ADAMTS17: variants seen among roughly 807,000 people sequenced by gnomAD.
ADAMTS17 encodes the protein A disintegrin and metalloproteinase with thrombospondin motifs 17.
Under a neutral mutation model 141.5 loss-of-function variants are expected in ADAMTS17, and 113 were observed. The observed-to-expected ratio is 0.80, with a 90% CI of 0.69 to 0.93. ADAMTS17 has a LOEUF of 0.93. ADAMTS17 is among the 40% of genes least tolerant of loss of function. ADAMTS17 has a pLI of 0.00. For synonymous variants in ADAMTS17, 768 were observed against 630.6 expected (o/e 1.22, Z -3.27); for missense variants, 1,659 against 1,517.9 (o/e 1.09, Z -1.54).
At chr15:100,230,866 C>T (rs961192133) in intron 7 of ADAMTS17, among the ~76,000 whole-genome samples, 1 of 152,106 alleles carries the variant, frequency 6.6e-6, no homozygotes, top group Non-Finnish European at 1.5e-5. Flanking sequence ...TTGGGACTGC[C>T]TGGGGACCCA....
intron 3 of ADAMTS17, among the ~76,000 whole-genome samples, chr15:100,298,452 G>A (rs2044903863): frequency 6.6e-6 from 1 of 152,094 alleles, no homozygotes; most frequent in Admixed American, 6.5e-5. Flanking sequence ...TCTCCCAGAG[G>A]GAGGGAGAAA....
At chr15:100,308,441 G>A (rs888050454) in intron 3 of ADAMTS17, among the ~76,000 whole-genome samples, 2 of 152,174 alleles carry the variant, frequency 1.3e-5, no homozygotes, top group African/African-American at 4.8e-5. Flanking sequence ...CAGGCTTCCT[G>A]AGCAAAGTGC....
chr15:100,064,687 G>A (rs2141677087), intron 15 of ADAMTS17, among the ~76,000 whole-genome samples: 1 of 152,266 alleles, frequency 6.6e-6, no homozygotes, highest in Middle Eastern at 3.4e-3. Context: ...AAGCAGAGTA[G>A]GGGGCCAGGA....
At chr15:100,100,603 G>T (rs1201126809) in intron 14 of ADAMTS17, among the ~76,000 whole-genome samples, 2 of 146,642 alleles carry the variant, frequency 1.4e-5, no homozygotes, top group Non-Finnish European at 3.0e-5. Context: ...GATGTACCCA[G>T]TTAGTTGGTG....
intron 7 of ADAMTS17, among the ~76,000 whole-genome samples, chr15:100,206,626 TG>T (rs1361618932): frequency 6.6e-6 from 1 of 152,162 alleles, no homozygotes; most frequent in Non-Finnish European, 1.5e-5. Context: ...TGGGGAAAGC[TG>T]GGGTTTTAGG....
At chr15:100,298,630 G>C (rs777641730) in intron 3 of ADAMTS17, among the ~76,000 whole-genome samples, 1 of 152,132 alleles carries the variant, frequency 6.6e-6, no homozygotes, top group Admixed American at 6.5e-5. Flanking sequence ...CATATACATT[G>C]CATTAGGGAA....
chr15:100,181,780 G>C (rs1309549660), intron 8 of ADAMTS17, among the ~76,000 whole-genome samples: 4 of 152,232 alleles, frequency 2.6e-5, no homozygotes, highest in Non-Finnish European at 5.9e-5. Flanking sequence ...ATAGCCTGGG[G>C]TTGGGAGAGG....
intron 3 of ADAMTS17, among the ~76,000 whole-genome samples, chr15:100,296,603 GTA>G (rs1173871620): frequency 3.4e-4 from 52 of 151,454 alleles, no homozygotes; most frequent in African/African-American, 1.2e-3. Context: ...GTGTGTGTGT[GTA>G]TGTGTGTGTG....
At chr15:100,279,141 G>A (rs12899959) in intron 4 of ADAMTS17, among the ~76,000 whole-genome samples, 22,195 of 152,078 alleles carry the variant, frequency 0.15, 1,729 homozygotes, top group East Asian at 0.31. Flanking sequence ...CTAAAACACC[G>A]GAGGTCCCAG....
At position 100,017,043 on chromosome 15, in the gene ADAMTS17, G is replaced by T. The variant is rs2061304711; in HGVS notation, c.2592-19454C>A. ...CTCTCCTTGGGCTGGTCTTGCTGTGGCTGCTATGGGGGATGGGGTTGAGGT... is the reference window on the plus strand; with the variant it reads ...CTCTCCTTGGGCTGGTCTTGCTGTGTCTGCTATGGGGGATGGGGTTGAGGT... On this transcript the variant is annotated intron_variant, in intron 18 of 21. Coordinates refer to ENST00000268070, the MANE Select transcript of ADAMTS17 (RefSeq NM_139057.4). Among the ~76,000 whole-genome samples, 4 of 152,150 alleles carry T rather than the reference G, an allele frequency of 2.6e-5. No homozygotes were observed. The South Asian group carries it at 6.2e-4, about 24-fold the overall frequency.
At chr15:100,115,425 C>A (rs118155455) in intron 13 of ADAMTS17, among the ~76,000 whole-genome samples, 1 of 152,218 alleles carries the variant, frequency 6.6e-6, no homozygotes, top group Non-Finnish European at 1.5e-5. Flanking sequence ...CTACATTACA[C>A]GGTCCCCAAA....
At chr15:100,096,497 A>G (rs781372743) in intron 14 of ADAMTS17, 21 bp from the exon 15 acceptor site, 186 of 1,613,914 alleles carry the variant, frequency 1.2e-4, no homozygotes, top group Non-Finnish European at 1.5e-4. Flanking sequence ...AGAGGGCCTC[A>G]TTATTCTGTG....
chr15:100,237,359 C>G (rs11247171), intron 7 of ADAMTS17, among the ~76,000 whole-genome samples: 58,420 of 152,024 alleles, frequency 0.38, 11,566 homozygotes, highest in African/African-American at 0.48. Context: ...CTGCCTTTAC[C>G]TACATTAGGA....
intron 18 of ADAMTS17, among the ~76,000 whole-genome samples, chr15:100,017,822 CAG>C (rs1040900865): frequency 3.3e-5 from 5 of 152,312 alleles, no homozygotes; most frequent in African/African-American, 1.2e-4. Context: ...CATCATCACA[CAG>C]ACTTCCTATT....
In ADAMTS17 at chr15:100,262,582, C is replaced by G. The variant is rs144802034; in HGVS notation, c.790-147G>C. 2.2e-3 allele frequency: 1,339 copies of G among 597,814 alleles called. 10 individuals carry two copies. The highest frequency in any genetic ancestry group is 2.5e-3 in the Non-Finnish European group (882 of 351,712). The allele number at this position is 597,814 out of a possible 1,614,324, so 37.0% of individuals were successfully genotyped here. On this transcript the variant is annotated intron_variant, in intron 4 of 21. Transcript: ENST00000268070. ...AAAGCGTAGACTTTAGTTTATAACACTGTATCAGTATTGGTGCATTAATTA... is the reference window on the plus strand; with the variant it reads ...AAAGCGTAGACTTTAGTTTATAACAGTGTATCAGTATTGGTGCATTAATTA...
intron 18 of ADAMTS17, among the ~76,000 whole-genome samples, chr15:100,020,799 G>C (rs916841407): frequency 6.6e-6 from 1 of 152,202 alleles, no homozygotes; most frequent in African/African-American, 2.4e-5. Flanking sequence ...GCTGGCGTTC[G>C]GCTGTGTCTA....
intron 18 of ADAMTS17, among the ~76,000 whole-genome samples, chr15:100,000,408 C>T (rs896591163): frequency 1.3e-5 from 2 of 152,104 alleles, no homozygotes; most frequent in Admixed American, 6.5e-5. Context: ...TACTCAGTCA[C>T]GACTTTTCTT....
At chr15:100,321,242 A>AT (rs551506762) in intron 3 of ADAMTS17, among the ~76,000 whole-genome samples, 8 of 152,130 alleles carry the variant, frequency 5.3e-5, no homozygotes, top group East Asian at 1.9e-4. Flanking sequence ...AGAAGGGGAA[A>AT]TTTTTTTTAA....
chr15:99,994,723 T>C (rs1036328441), intron 19 of ADAMTS17, among the ~76,000 whole-genome samples: 1 of 152,108 alleles, frequency 6.6e-6, no homozygotes, highest in African/African-American at 2.4e-5. Context: ...CCCATCACCA[T>C]GCCTGGCTAA....
Sources: gnomAD v4.1 joint callset for allele counts (sites outside exome capture counted in the v4.1 genomes callset) on GRCh38, gnomAD v4.1.1 for gene constraint, MANE v1.5 for transcripts, NCBI Gene and HGNC (gene_info 2026-07-23, HGNC 2026-07-21) for gene names.